The following PPFIBP2 variants were observed in gnomAD, a reference collection of about 807,000 sequenced individuals.
PPFIBP2 encodes the protein liprin-beta-2.
PPFIBP2 carries 118 observed loss-of-function variants against 118.3 expected under a neutral mutation model. The ratio of observed to expected loss-of-function variants is 1.00; its 90% confidence interval spans 0.86 to 1.16. The LOEUF is 1.16. PPFIBP2 is among the 50% of genes most tolerant of loss of function. The pLI, the probability that PPFIBP2 is intolerant of heterozygous loss-of-function variation, is 0.00. For missense variants in PPFIBP2, 1,195 were observed against 1,073.1 expected, an observed-to-expected ratio of 1.11 and a Z score of -1.59; for synonymous variants, 414 against 397.4, an observed-to-expected ratio of 1.04 and a Z score of -0.50.
chr11:7,633,545 C>A (rs887463332), intron 12 of PPFIBP2, among the ~76,000 whole-genome samples: 2 of 152,306 alleles, frequency 1.3e-5, no homozygotes, highest in Non-Finnish European at 1.5e-5. Flanking sequence ...AAGGTACTGG[C>A]AACCACTACC....
In PPFIBP2 at chr11:7,642,413, A is replaced by G; in HGVS notation, c.1633A>G (p.Lys545Glu). The G allele has an allele frequency of 6.2e-7, 1 of 1,613,406 alleles. No individual in the cohort carries two copies. Among genetic ancestry groups the G allele is most frequent in the Non-Finnish European group, 8.5e-7 (1 of 1,179,608 alleles). The change falls in exon 17 of 24, where the codon AAG (lysine) becomes GAG (glutamate). Residue 545 changes from lysine to glutamate, a missense_variant. Lys to Glu is a moderately conservative substitution (Grantham distance 56). Coordinates refer to ENST00000299492, the MANE Select transcript of PPFIBP2 (RefSeq NM_003621.5). ...AAGACTCTCTAGGACCAGGGACTCC[A>G]AGGGACAGAAAAGGTAAGGCTTGAC... ...GPRLSRTRDS[K>E]GQKSDANAPF...
At position 7,541,733 on chromosome 11, in the gene PPFIBP2, G is replaced by A. The variant is rs562486855; in HGVS notation, c.-36-7707G>A. Among the ~76,000 whole-genome samples, 87 of 152,190 alleles carry A rather than the reference G, an allele frequency of 5.7e-4. 1 individual carries two copies. Among genetic ancestry groups the A allele is most frequent in the African/African-American group, 1.9e-3 (80 of 41,498 alleles). ...AACATCAGACTCCTATTTCCAAATG[G>A]CTACTCAGCGTAACTTCCTAGGTGT... On this transcript the variant is annotated intron_variant, in intron 1 of 23. Transcript: ENST00000299492.
In PPFIBP2 at chr11:7,649,649, G is replaced by A; in HGVS notation, c.2116G>A (p.Asp706Asn). The change falls in exon 21 of 24, where the codon GAT (aspartate) becomes AAT (asparagine). Residue 706 changes from aspartate to asparagine, a missense_variant. By Grantham distance (23) the Asp-to-Asn change is conservative. Coordinates refer to ENST00000299492, the MANE Select transcript of PPFIBP2 (RefSeq NM_003621.5). Reference protein sequence around the residue: ...NPHCLHRRPADESNLSPSEVV... With the variant: ...NPHCLHRRPANESNLSPSEVV... ...CCACTGCCTGCACCGGCGGCCAGCT[G>A]ATGAGGTGAGACCACAAATAGTATC... 1.2e-6 allele frequency: 2 copies of A among 1,614,270 alleles called. No individual in the cohort carries two copies. The highest frequency in any genetic ancestry group is 2.2e-5 in the South Asian group (2 of 91,086).
At position 7,649,161 on chromosome 11, in the gene PPFIBP2, A is replaced by T. The variant is rs1448056687; in HGVS notation, c.1924A>T (p.Ile642Phe). Residue 642 changes from isoleucine (I) to phenylalanine (F), a missense_variant, in exon 20 of 24, where the codon ATT (isoleucine) becomes TTT (phenylalanine). Coordinates refer to ENST00000299492, the MANE Select transcript of PPFIBP2 (RefSeq NM_003621.5). Reference protein sequence around the residue: ...HIWVTRWLDDIGLPQYKDQFH... With the variant: ...HIWVTRWLDDFGLPQYKDQFH... The stretch of plus-strand genomic sequence containing the variant: ...TGTATTTGTAGGGTGGCTTGATGAT[A>T]TTGGCTTACCCCAGTACAAAGACCA... 1 of 1,614,008 alleles carries T rather than the reference A, an allele frequency of 6.2e-7. No homozygotes were observed. The highest frequency in any genetic ancestry group is 2.2e-5 in the East Asian group (1 of 44,872).
Position 7,653,197 on chromosome 11 carries a change from C to G in PPFIBP2, c.2610C>G (p.Asp870Glu), listed in dbSNP as rs767231170. The change falls in exon 24 of 24, where the codon GAC becomes GAG. Residue 870 changes from aspartate (D) to glutamate (E), a missense_variant. Physicochemically the swap from Asp to Glu is conservative, Grantham distance 45 (BLOSUM62 2). Coordinates refer to ENST00000299492, the MANE Select transcript of PPFIBP2 (RefSeq NM_003621.5). The part of the protein sequence containing the change: ...PLDAPELDGL[D>E]QVGQIS ...ATGCCCCTGAACTGGATGGGCTGGA[C>G]CAGGTGGGACAGATTAGCTGATGCC... 1 of 1,614,040 alleles carries G rather than the reference C, an allele frequency of 6.2e-7. No individual in the cohort carries two copies. The highest frequency in any genetic ancestry group is 8.5e-7 in the Non-Finnish European group (1 of 1,180,038).
intron 4 of PPFIBP2, chr11:7,597,104 G>A (rs879551614): frequency 5.1e-5 from 68 of 1,321,902 alleles, no homozygotes; most frequent in Admixed American, 1.2e-4. Flanking sequence ...TCACCTGATA[G>A]GTGAGCAGTC....
chr11:7,521,153 C>T (rs1353228416), intron 1 of PPFIBP2, among the ~76,000 whole-genome samples: 1 of 152,168 alleles, frequency 6.6e-6, no homozygotes, highest in Non-Finnish European at 1.5e-5. Context: ...CTTTCACTTC[C>T]TCTCTCTGTC....
chr11:7,596,957 T>C (rs1266494973), intron 4 of PPFIBP2, among the ~76,000 whole-genome samples: 1 of 152,242 alleles, frequency 6.6e-6, no homozygotes, highest in African/African-American at 2.4e-5. Context: ...CCACCGTATG[T>C]GTAATGTGGC....
downstream of PPFIBP2, among the ~76,000 whole-genome samples, chr11:7,660,504 A>T (rs1854867244): frequency 6.7e-6 from 1 of 148,840 alleles, no homozygotes; most frequent in Non-Finnish European, 1.5e-5. Flanking sequence ...AGCCCACTTG[A>T]TCATGGTGAA....
At chr11:7,629,201 G>A (rs1359697815) in intron 9 of PPFIBP2, among the ~76,000 whole-genome samples, 1 of 152,176 alleles carries the variant, frequency 6.6e-6, no homozygotes, top group African/African-American at 2.4e-5. Context: ...TGAGTTTCGT[G>A]CTTCTGAAAA....
chr11:7,614,045 G>A (rs59635304), intron 6 of PPFIBP2, among the ~76,000 whole-genome samples: 23,185 of 152,256 alleles, frequency 0.15, 2,536 homozygotes, highest in African/African-American at 0.3. Flanking sequence ...AGGCAACAGA[G>A]TGATGGACTT....
chr11:7,561,562 TTGTC>T (rs1403155811), intron 2 of PPFIBP2, among the ~76,000 whole-genome samples: 4 of 152,212 alleles, frequency 2.6e-5, no homozygotes, highest in Admixed American at 1.3e-4. Flanking sequence ...TGTGTAATCT[TTGTC>T]TGTCTAAATT....
At chr11:7,604,504 A>G (rs1847094699) in intron 5 of PPFIBP2, among the ~76,000 whole-genome samples, 2 of 145,286 alleles carry the variant, frequency 1.4e-5, no homozygotes, top group Non-Finnish European at 3.0e-5. Context: ...TCACCCACCC[A>G]TACACACAGA....
At chr11:7,664,014 G>A in the PPFIBP2 span, among the ~76,000 whole-genome samples, 9 of 151,708 alleles carry the variant, frequency 5.9e-5, no homozygotes, top group Admixed American at 5.3e-4. Flanking sequence ...GCTCGCACAC[G>A]GTGCGCGCAC....
At chr11:7,549,887 A>T (rs1852771227) in intron 2 of PPFIBP2, among the ~76,000 whole-genome samples, 1 of 152,142 alleles carries the variant, frequency 6.6e-6, no homozygotes, top group Non-Finnish European at 1.5e-5. Flanking sequence ...GCTGATCTGA[A>T]ACTTGAAATC....
chr11:7,651,003 C>CA, intron 22 of PPFIBP2, 38 bp downstream of exon 22: 2 of 1,592,600 alleles, frequency 1.3e-6, no homozygotes, highest in Non-Finnish European at 1.7e-6. Flanking sequence ...TGCCTTGGTG[C>CA]AAATGGGATA....
At chr11:7,538,319 G>A (rs1851422211) in intron 1 of PPFIBP2, 1 of 152,532 alleles carries the variant, frequency 6.6e-6, no homozygotes, top group African/African-American at 2.4e-5. Flanking sequence ...GGGACAGCTA[G>A]GCTCAGAGGG....
Position 7,653,250 on chromosome 11 carries a change from A to G in PPFIBP2, c.*32A>G, listed in dbSNP as rs768926481. 19 of 1,613,042 alleles carry G rather than the reference A, an allele frequency of 1.2e-5. No homozygotes were observed. Among genetic ancestry groups the G allele is most frequent in the Admixed American group, 5.0e-5 (3 of 59,946 alleles). On this transcript the variant is annotated 3_prime_UTR_variant, in exon 24 of 24. Coordinates refer to ENST00000299492, the MANE Select transcript of PPFIBP2 (RefSeq NM_003621.5). The stretch of plus-strand genomic sequence containing the variant: ...TGTCACCTGCCCTCTGTGCACCCTG[A>G]GAGCTCACAGTAACACTGTGTGTGT...
At chr11:7,592,005 T>C (rs1401273207) in intron 3 of PPFIBP2, among the ~76,000 whole-genome samples, 1 of 152,166 alleles carries the variant, frequency 6.6e-6, no homozygotes, top group Non-Finnish European at 1.5e-5. Flanking sequence ...GTGGCCCAAC[T>C]CTGGGTCTCT....
Sources: gnomAD v4.1 joint callset for allele counts (sites outside exome capture counted in the v4.1 genomes callset) on GRCh38, gnomAD v4.1.1 for gene constraint, MANE v1.5 for transcripts, NCBI Gene and HGNC (gene_info 2026-07-23, HGNC 2026-07-21) for gene names.